Variants in ASXL1 observed in about 807,000 individuals in gnomAD.
ASXL1 encodes polycomb group protein ASXL1.
In ASXL1, 65 loss-of-function variants were observed where a neutral mutation model predicts 89.1. The ratio of observed to expected loss-of-function variants is 0.73; its 90% CI spans 0.60 to 0.90. The LOEUF is 0.90. ASXL1 is among the 40% of genes least tolerant of loss of function. The probability of loss-of-function intolerance (pLI) is 0.00; values close to 1 mark genes in which losing one functional copy is unlikely to be tolerated. For missense variants in ASXL1, 1,786 were observed against 1,942.9 expected (o/e 0.92, Z 1.52); for synonymous variants, 739 against 746.9 (o/e 0.99, Z 0.17).
chr20:32,433,506 T>G lies in ASXL1; in HGVS notation c.1308T>G (p.Ala436=). 1 of 1,614,138 alleles carries G rather than the reference T, an allele frequency of 6.2e-7. No homozygotes were observed. Among genetic ancestry groups the G allele is most frequent in the Non-Finnish European group, 8.5e-7 (1 of 1,180,016 alleles). Residue 436 remains alanine, a synonymous_variant, in exon 12 of 13, where the codon GCT becomes GCG. Transcript: ENST00000375687. ...AGGAGTCAGAACAAGCAGGGGTTGC[T>G]AAGGATGCAAAATCTGTGGCCTCAG... ...KKQESEQAGV[A]KDAKSVASDV...
At chr20:32,432,629 A>G in intron 10 of ASXL1, 1 of 445,196 alleles carries the variant, frequency 2.2e-6, no homozygotes, top group Non-Finnish European at 4.2e-6. Context: ...TTAACTTTTT[A>G]TCTACACAGG....
intron 4 of ASXL1, among the ~76,000 whole-genome samples, chr20:32,383,993 C>T (rs1473441870): frequency 1.3e-5 from 2 of 152,094 alleles, no homozygotes; most frequent in South Asian, 2.1e-4. Context: ...CTGATACTCA[C>T]GTTCTAGCCT....
intron 4 of ASXL1, among the ~76,000 whole-genome samples, chr20:32,424,468 G>A (rs1471032601): frequency 6.6e-6 from 1 of 152,176 alleles, no homozygotes; most frequent in Non-Finnish European, 1.5e-5. Flanking sequence ...CCAGGAGGAG[G>A]AGGTTGCAGT....
chr20:32,359,987 C>T, intron 1 of ASXL1: 1 of 591,762 alleles, frequency 1.7e-6, no homozygotes, highest in Non-Finnish European at 3.1e-6. Context: ...GGTTGTAATT[C>T]AGTTTTAATG....
At chr20:32,377,167 A>G (rs1386902019) in intron 4 of ASXL1, among the ~76,000 whole-genome samples, 1 of 141,818 alleles carries the variant, frequency 7.1e-6, no homozygotes, top group Non-Finnish European at 1.5e-5. Context: ...CTATAAATAT[A>G]TTATATATAA....
At position 32,435,186 on chromosome 20, in the gene ASXL1, A is replaced by T. The variant is rs748929407; in HGVS notation, c.2474A>T (p.Lys825Ile). Residue 825 changes from lysine to isoleucine, a missense_variant, in exon 13 of 13, where the codon AAA (lysine) becomes ATA (isoleucine). This residue lies in a region of ASXL1 where 1,418 missense variants were observed against 1,427.8 expected (regional missense o/e 0.99). Transcript: ENST00000375687. Reference sequence around the variant, plus strand: ...CTAGTGGGAGATGATACATTAGAGAAAGGAACTGGCCAAGCTCTTGACAGT... The same window carrying T: ...CTAGTGGGAGATGATACATTAGAGATAGGAACTGGCCAAGCTCTTGACAGT... ...PSLVGDDTLE[K>I]GTGQALDSHP... is the part of the protein sequence containing the mutation. 1.9e-6 allele frequency: 3 copies of T among 1,613,910 alleles called. No individual in the cohort carries two copies. Among genetic ancestry groups the T allele is most frequent in the Non-Finnish European group, 2.5e-6 (3 of 1,180,012 alleles).
rs2011465534 is a variant in ASXL1 at position 32,429,879 on chromosome 20, C to G, written c.566-22C>G. On this transcript the variant is annotated intron_variant, in intron 7 of 12. Coordinates refer to ENST00000375687, the MANE Select transcript of ASXL1 (RefSeq NM_015338.6). The surrounding 1 kb of genome is among the most constrained non-coding windows in gnomAD (Gnocchi z 4.9). ...GGCGCGGCTTGGTGATACTTTTGAC[C>G]AGTGGAATGCTGTGCCTTCAGGGTT... 1 of 1,605,956 alleles carries G rather than the reference C, an allele frequency of 6.2e-7. No individual in the cohort carries two copies.
At position 32,436,847 on chromosome 20, in the gene ASXL1, A is replaced by G; in HGVS notation, c.4135A>G (p.Lys1379Glu). The G allele has an allele frequency of 6.2e-7, 1 of 1,614,148 alleles. No homozygotes were observed. The highest frequency in any genetic ancestry group is 8.5e-7 in the Non-Finnish European group (1 of 1,180,030). The change falls in exon 13 of 13, where the codon AAG (lysine) becomes GAG (glutamate). Residue 1379 changes from lysine to glutamate, a missense_variant. Coordinates refer to ENST00000375687, the MANE Select transcript of ASXL1 (RefSeq NM_015338.6). ...NEKTFVGGPL[K>E]ANAENRKATG... The stretch of plus-strand genomic sequence containing the variant: ...GAAGACTTTTGTGGGGGGTCCTCTT[A>G]AGGCAAATGCCGAGAACAGGAAAGC...
At chr20:32,379,690 C>T (rs1287786969) in intron 4 of ASXL1, among the ~76,000 whole-genome samples, 3 of 150,956 alleles carry the variant, frequency 2.0e-5, no homozygotes, top group African/African-American at 4.9e-5. Context: ...GCTGGGATTA[C>T]AGGCGGGCAC....
At chr20:32,434,289 C>T (rs2011642721) in intron 12 of ASXL1, 143 bp from the exon 13 acceptor site, 5 of 1,087,568 alleles carry the variant, frequency 4.6e-6, no homozygotes, top group Non-Finnish European at 6.8e-6. Flanking sequence ...CGCCATTTTA[C>T]TATGATGATT....
At chr20:32,365,870 T>C (rs1345911343) in intron 1 of ASXL1, among the ~76,000 whole-genome samples, 1 of 152,130 alleles carries the variant, frequency 6.6e-6, no homozygotes, top group Non-Finnish European at 1.5e-5. Flanking sequence ...TGGCCAGGCG[T>C]GGTGGCTCAC....
chr20:32,414,550 A>T (rs369358051), intron 4 of ASXL1, among the ~76,000 whole-genome samples: 17 of 152,086 alleles, frequency 1.1e-4, no homozygotes, highest in Middle Eastern at 6.4e-3. Context: ...ATCTTATTTT[A>T]AAAAAAGCAC....
Position 32,433,783 on chromosome 20 carries a change from C to T in ASXL1, c.1585C>T (p.Gln529Ter), listed in dbSNP as rs770914619. The change falls in exon 12 of 13, where the codon CAG becomes TAG. Residue 529 changes from glutamine (Q) to a stop codon, truncating the protein, a stop_gained. Coordinates refer to ENST00000375687, the MANE Select transcript of ASXL1 (RefSeq NM_015338.6). LOFTEE classifies it high-confidence loss of function. ...GGATCAGAAGAGGAAATCCTTTGAG[C>T]AGGCGGCCTCTGCATCCTTTCCCGA... ...PKDQKRKSFE[Q>*]AASASFPEKK... is the part of the protein sequence containing the mutation. 2.5e-6 allele frequency: 4 copies of T among 1,614,076 alleles called. No individual in the cohort carries two copies. Among genetic ancestry groups the T allele is most frequent in the Non-Finnish European group, 2.5e-6 (3 of 1,180,036 alleles).
At chr20:32,378,072 C>A (rs6141298) in intron 4 of ASXL1, among the ~76,000 whole-genome samples, 3 of 148,036 alleles carry the variant, frequency 2.0e-5, no homozygotes, top group African/African-American at 7.5e-5. Context: ...TCACTGCAAC[C>A]TTAGCTTCCT....
chr20:32,434,380 TAGGTCAGATCACCC>T, intron 12 of ASXL1, 38 bp from the exon 13 acceptor site: 1 of 1,604,122 alleles, frequency 6.2e-7, no homozygotes, highest in Non-Finnish European at 8.5e-7. Flanking sequence ...TTACAGTCCC[TAGGTCAGATCACCC>T]AGTCAGTTAA....
In ASXL1 at chr20:32,375,216, A is replaced by G. The variant is rs527846644; in HGVS notation, c.252+6093A>G. 2.0e-5 allele frequency among the ~76,000 whole-genome samples: 3 copies of G among 152,274 alleles called. No individual in the cohort carries two copies. In the South Asian group the frequency reaches 6.2e-4, roughly 32 times the overall value. ...CGCAGTGGCTCACGCCTGTAATCCCAGCAGTTTGGGAGGCTGAGTCGGGCG... is the reference window on the plus strand; with the variant it reads ...CGCAGTGGCTCACGCCTGTAATCCCGGCAGTTTGGGAGGCTGAGTCGGGCG... On this transcript the variant is annotated intron_variant, in intron 4 of 12. Coordinates refer to ENST00000375687, the MANE Select transcript of ASXL1 (RefSeq NM_015338.6).
chr20:32,384,891 T>A (rs2048551566), intron 4 of ASXL1, among the ~76,000 whole-genome samples: 1 of 152,074 alleles, frequency 6.6e-6, no homozygotes, highest in South Asian at 2.1e-4. Context: ...AATGTTTCTA[T>A]TAAGTTTGAT....
At chr20:32,420,154 A>G (rs2049216877) in intron 4 of ASXL1, among the ~76,000 whole-genome samples, 3 of 151,888 alleles carry the variant, frequency 2.0e-5, no homozygotes, top group African/African-American at 4.8e-5. Context: ...AAATTATGAC[A>G]TGCTTTTCTA....
chr20:32,363,153 C>A (rs1053996664), intron 1 of ASXL1, among the ~76,000 whole-genome samples: 2 of 152,090 alleles, frequency 1.3e-5, no homozygotes, highest in African/African-American at 4.8e-5. Flanking sequence ...TACTTTGTAT[C>A]TTTTGATGTA....
Sources: allele counts gnomAD v4.1 joint callset (sites outside exome capture counted in the v4.1 genomes callset), GRCh38; gene constraint gnomAD v4.1.1; regional missense constraint gnomAD v4.1.1; non-coding constraint Gnocchi (gnomAD v3.1); transcripts MANE v1.5; gene names NCBI Gene and HGNC (gene_info 2026-07-23, HGNC 2026-07-21).